Variants in PRKCB observed in about 807,000 individuals in gnomAD.
The protein encoded by PRKCB is protein kinase C beta type.
PRKCB carries 13 observed loss-of-function variants against 81.5 expected under a neutral mutation model. The observed-to-expected ratio is 0.16, with a 90% CI of 0.10 to 0.25. The LOEUF is 0.25. Among genes scored for constraint, PRKCB ranks in the 10% least tolerant of loss-of-function variants. The pLI is 1.00. For synonymous variants in PRKCB, 335 were observed against 321.4 expected (o/e 1.04, Z -0.45); for missense variants, 509 against 875.7 (o/e 0.58, Z 5.29).
intron 7 of PRKCB, among the ~76,000 whole-genome samples, chr16:24,096,302 A>G (rs1020133409): frequency 5.3e-5 from 8 of 152,112 alleles, no homozygotes; most frequent in African/African-American, 1.9e-4. Flanking sequence ...TAAATTTGTC[A>G]CAAAGTTAAC....
intron 10 of PRKCB, among the ~76,000 whole-genome samples, chr16:24,158,527 C>CATGTATATGTAT (rs755706008): frequency 0.14 from 20,285 of 141,408 alleles, 2,072 homozygotes; most frequent in Admixed American, 0.22. Context: ...TTTAAAAAAA[C>CATGTATATGTAT]ATGTATATGT....
intron 2 of PRKCB, among the ~76,000 whole-genome samples, chr16:23,942,706 A>T (rs1483476472): frequency 6.6e-6 from 1 of 152,208 alleles, no homozygotes; most frequent in Non-Finnish European, 1.5e-5. Flanking sequence ...CATGTCAACA[A>T]CTGCTTGTTA....
At chr16:24,023,901 C>T (rs1965441550) in intron 3 of PRKCB, among the ~76,000 whole-genome samples, 1 of 152,170 alleles carries the variant, frequency 6.6e-6, no homozygotes, top group Non-Finnish European at 1.5e-5. Flanking sequence ...TCCGTTTGGT[C>T]TGTGGGCAGT....
At position 24,179,075 on chromosome 16, in the gene PRKCB, C is replaced by T. The variant is rs73548577; in HGVS notation, c.1395-1715C>T. ...GAGTTTCTAGACTTCCATAATACCACCTGAACAACCCCAATGTAAAATGCA... is the reference window on the plus strand; with the variant it reads ...GAGTTTCTAGACTTCCATAATACCATCTGAACAACCCCAATGTAAAATGCA... On this transcript the variant is annotated intron_variant, in intron 12 of 16. Transcript: ENST00000643927. 8.1e-3 allele frequency among the ~76,000 whole-genome samples: 1,234 copies of T among 152,286 alleles called. 12 individuals are homozygous for T. The highest frequency in any genetic ancestry group is 0.028 in the African/African-American group (1,162 of 41,552).
intron 3 of PRKCB, among the ~76,000 whole-genome samples, chr16:24,014,449 A>G (rs1965249910): frequency 6.6e-6 from 1 of 152,192 alleles, no homozygotes; most frequent in African/African-American, 2.4e-5. Context: ...AACAGCCTCC[A>G]CCAGAACTCG....
At position 23,869,463 on chromosome 16, in the gene PRKCB, A is replaced by G. The variant is rs528833150; in HGVS notation, c.205+32057A>G. The G allele has an allele frequency of 1.8e-5, 3 of 164,262 alleles. No homozygotes were observed. In the East Asian group the frequency reaches 5.4e-4, roughly 30 times the overall value. The allele number at this position is 164,262 out of a possible 1,614,324, so 10.2% of individuals were successfully genotyped here. ...CAGTCATATAGCCAGTAACTTGACT[A>G]AGCTGGAGCTTGAGCCAGGTCGAAC... On this transcript the variant is annotated intron_variant, in intron 2 of 16. Transcript: ENST00000643927.
chr16:23,883,186 G>A (rs145130609), intron 2 of PRKCB, among the ~76,000 whole-genome samples: 28 of 152,258 alleles, frequency 1.8e-4, no homozygotes, highest in Middle Eastern at 6.8e-3. Flanking sequence ...ATCCACTGGC[G>A]ATAAATGTCA....
Position 24,217,499 on chromosome 16 carries a change from A to T in PRKCB, c.*2683A>T. 4 of 985,426 alleles carry T rather than the reference A, an allele frequency of 4.1e-6. No homozygotes were observed. Among genetic ancestry groups the T allele is most frequent in the Non-Finnish European group, 4.8e-6 (4 of 829,938 alleles). 61.0% of individuals were successfully genotyped at this position (985,426 alleles called of 1,614,324 possible). On this transcript the variant is annotated 3_prime_UTR_variant, in exon 17 of 17. Transcript: ENST00000643927. ...TTTCACATGGCTTCAGATGCTATCA[A>T]CCTCAAAGAAATGATCTCAACAGAG...
intron 5 of PRKCB, among the ~76,000 whole-genome samples, chr16:24,063,225 T>C (rs1965994594): frequency 6.6e-6 from 1 of 152,000 alleles, no homozygotes. Flanking sequence ...CATTTGTGAG[T>C]AGTACCTTAA....
At chr16:24,049,841 C>A (rs1965819028) in intron 5 of PRKCB, among the ~76,000 whole-genome samples, 2 of 152,182 alleles carry the variant, frequency 1.3e-5, no homozygotes, top group Non-Finnish European at 2.9e-5. Context: ...GGGTGCTTAG[C>A]CCACGCCTGT....
intron 5 of PRKCB, among the ~76,000 whole-genome samples, chr16:24,090,155 GA>G (rs1329773903): frequency 6.6e-6 from 1 of 152,140 alleles, no homozygotes; most frequent in Non-Finnish European, 1.5e-5. Flanking sequence ...CTTGCTTGTT[GA>G]ACTTAACTGA....
chr16:23,856,668 C>T (rs1962574375), intron 2 of PRKCB, among the ~76,000 whole-genome samples: 3 of 152,042 alleles, frequency 2.0e-5, no homozygotes, highest in Admixed American at 2.0e-4. Context: ...GGACTTGAGG[C>T]ACATGCCATC....
intron 5 of PRKCB, among the ~76,000 whole-genome samples, chr16:24,051,082 C>G (rs1255610451): frequency 1.2e-4 from 18 of 152,176 alleles, no homozygotes; most frequent in Non-Finnish European, 4.4e-5. Context: ...TTCCTCACAC[C>G]ATTCTCTGTG....
chr16:24,060,558 T>C (rs1317415941), intron 5 of PRKCB, among the ~76,000 whole-genome samples: 1 of 152,222 alleles, frequency 6.6e-6, no homozygotes, highest in Non-Finnish European at 1.5e-5. Context: ...GAGGCACTCC[T>C]GCCCCAAGCC....
At chr16:24,140,621 C>A (rs563624675) in intron 9 of PRKCB, among the ~76,000 whole-genome samples, 2 of 152,094 alleles carry the variant, frequency 1.3e-5, no homozygotes, top group Admixed American at 1.3e-4. Context: ...GGTGGGGTCG[C>A]AGGACTGGCT....
chr16:23,885,355 C>T (rs1458191202), intron 2 of PRKCB, among the ~76,000 whole-genome samples: 2 of 152,150 alleles, frequency 1.3e-5, no homozygotes, highest in African/African-American at 4.8e-5. Flanking sequence ...GTCACCCAGG[C>T]TGGAGTGCAG....
intron 1 of PRKCB, chr16:23,837,110 C>T (rs1962175240): frequency 1.8e-6 from 1 of 552,952 alleles, no homozygotes; most frequent in South Asian, 2.0e-5. Context: ...TGCCTTCAGC[C>T]CCTACCCCGA....
At chr16:24,088,819 G>A (rs1052983808) in intron 5 of PRKCB, among the ~76,000 whole-genome samples, 3 of 152,026 alleles carry the variant, frequency 2.0e-5, no homozygotes, top group Non-Finnish European at 4.4e-5. Flanking sequence ...TAAAAGAGCT[G>A]TAAATTCCTT....
intron 2 of PRKCB, among the ~76,000 whole-genome samples, chr16:23,981,961 T>C (rs1447776143): frequency 1.2e-5 from 1 of 82,524 alleles, no homozygotes; most frequent in African/African-American, 4.8e-5. Context: ...TCCCCTTCAC[T>C]TTCCCTTCCC....
Sources: allele counts gnomAD v4.1 joint callset (sites outside exome capture counted in the v4.1 genomes callset), GRCh38; gene constraint gnomAD v4.1.1; transcripts MANE v1.5; gene names NCBI Gene and HGNC (gene_info 2026-07-23, HGNC 2026-07-21).